Variants in OSBPL9 observed in about 807,000 individuals in gnomAD.
OSBPL9 encodes the protein oxysterol binding protein like 9.
A neutral mutation model predicts 106.6 loss-of-function variants in OSBPL9; 40 were observed. That is an observed-to-expected ratio of 0.38 (90% CI 0.29 to 0.49). OSBPL9 has a LOEUF of 0.49. OSBPL9 is among the 20% of genes least tolerant of loss of function. The pLI is 0.97. For synonymous variants in OSBPL9, 269 were observed against 295.4 expected (o/e 0.91, Z 0.92); for missense variants, 609 against 887.2 (o/e 0.69, Z 3.98).
chr1:51,582,701 T>C (rs1224491335), intron 1 of OSBPL9: 1 of 152,134 alleles, frequency 6.6e-6, no homozygotes, highest in South Asian at 2.1e-4. Context: ...AAGGGTTTAT[T>C]ATGTGTCAGG....
At chr1:51,644,944 G>A (rs1036555986) in intron 1 of OSBPL9, among the ~76,000 whole-genome samples, 1 of 152,160 alleles carries the variant, frequency 6.6e-6, no homozygotes, top group Non-Finnish European at 1.5e-5. Flanking sequence ...GCATTCATGT[G>A]TTGGAAACTT....
chr1:51,686,165 G>A (rs533641606), intron 3 of OSBPL9, among the ~76,000 whole-genome samples: 187 of 152,282 alleles, frequency 1.2e-3, no homozygotes, highest in African/African-American at 4.4e-3. Context: ...GGGGTGCAGA[G>A]GATGCAAATG....
chr1:51,675,487 T>TA (rs1650974495), intron 3 of OSBPL9, among the ~76,000 whole-genome samples: 1 of 152,152 alleles, frequency 6.6e-6, no homozygotes, highest in African/African-American at 2.4e-5. Context: ...ATGGGCTAGA[T>TA]AAAACCTTTG....
chr1:51,668,646 T>C (rs533279563), intron 2 of OSBPL9, among the ~76,000 whole-genome samples: 6 of 152,218 alleles, frequency 3.9e-5, no homozygotes, highest in African/African-American at 1.2e-4. Context: ...AAAATAGTAA[T>C]AAAAAAGTAT....
intron 4 of OSBPL9, among the ~76,000 whole-genome samples, chr1:51,738,201 A>G (rs1271768514): frequency 2.0e-5 from 3 of 152,046 alleles, no homozygotes; most frequent in African/African-American, 2.4e-5. Flanking sequence ...TGGAGTTAGT[A>G]TTTGTGTTTT....
At chr1:51,595,554 A>G (rs1003745792) in intron 1 of OSBPL9, among the ~76,000 whole-genome samples, 45 of 152,152 alleles carry the variant, frequency 3.0e-4, no homozygotes, top group African/African-American at 1.1e-3. Context: ...GGAGGAAGAA[A>G]TGGGGGAGGG....
intron 19 of OSBPL9, 52 bp from the exon 20 acceptor site, chr1:51,784,389 TC>T: frequency 6.2e-7 from 1 of 1,611,264 alleles, no homozygotes; most frequent in Non-Finnish European, 8.5e-7. Flanking sequence ...ACATGCCCCT[TC>T]CCCCTCTTCC....
At chr1:51,645,686 C>T (rs1425170382) in intron 1 of OSBPL9, among the ~76,000 whole-genome samples, 1 of 152,118 alleles carries the variant, frequency 6.6e-6, no homozygotes, top group African/African-American at 2.4e-5. Context: ...CTTTTGGTAT[C>T]ATGTAACCAT....
intron 1 of OSBPL9, among the ~76,000 whole-genome samples, chr1:51,579,792 C>T (rs1346118980): frequency 1.3e-5 from 2 of 151,404 alleles, no homozygotes; most frequent in African/African-American, 4.9e-5. Context: ...GAGGTCAAGG[C>T]TGCAGTGAGC....
At chr1:51,691,440 C>T (rs1012072203) in intron 3 of OSBPL9, among the ~76,000 whole-genome samples, 6 of 151,642 alleles carry the variant, frequency 4.0e-5, no homozygotes, top group African/African-American at 9.7e-5. Context: ...CCACCATGCC[C>T]GGCTAGTTTT....
At chr1:51,607,105 A>G (rs1204348891) in intron 2 of OSBPL9, among the ~76,000 whole-genome samples, 2 of 151,926 alleles carry the variant, frequency 1.3e-5, no homozygotes, top group African/African-American at 2.4e-5. Context: ...AAGAAAAAAC[A>G]TAAAACCAAC....
intron 3 of OSBPL9, among the ~76,000 whole-genome samples, chr1:51,710,323 T>C (rs1013542289): frequency 6.6e-6 from 1 of 152,198 alleles, no homozygotes; most frequent in Admixed American, 6.5e-5. Flanking sequence ...CAGTGAGTAT[T>C]TGTAATTATG....
intron 1 of OSBPL9, among the ~76,000 whole-genome samples, chr1:51,645,229 A>G (rs1201940899): frequency 6.6e-6 from 1 of 152,202 alleles, no homozygotes; most frequent in Non-Finnish European, 1.5e-5. Flanking sequence ...CACTAAGACA[A>G]TCACCTTCCT....
At chr1:51,585,519 T>C (rs1645243271) in intron 1 of OSBPL9, among the ~76,000 whole-genome samples, 1 of 152,170 alleles carries the variant, frequency 6.6e-6, no homozygotes, top group Non-Finnish European at 1.5e-5. Context: ...GGCTCATGCA[T>C]GTAATCTCAG....
chr1:51,716,186 T>C (rs1033132894), intron 4 of OSBPL9, among the ~76,000 whole-genome samples: 4 of 152,278 alleles, frequency 2.6e-5, no homozygotes, highest in Admixed American at 6.5e-5. Context: ...GAGGTTTTTT[T>C]CCTACATTTA....
At chr1:51,620,835 T>A in intron 1 of OSBPL9, among the ~76,000 whole-genome samples, 1 of 152,284 alleles carries the variant, frequency 6.6e-6, no homozygotes. Context: ...AATCTTTTAT[T>A]ATAGAAATTT....
At chr1:51,656,691 T>G (rs1646838764) in intron 2 of OSBPL9, among the ~76,000 whole-genome samples, 1 of 148,070 alleles carries the variant, frequency 6.8e-6, no homozygotes, top group Non-Finnish European at 1.5e-5. Context: ...GACAGGATCT[T>G]GCTCTTTACC....
chr1:51,518,900 A>G, the OSBPL9 span, among the ~76,000 whole-genome samples: 1 of 151,502 alleles, frequency 6.6e-6, no homozygotes, highest in South Asian at 2.1e-4. Flanking sequence ...CGGCACCGGC[A>G]GAGCGCGGCC....
At chr1:51,624,417 G>A (rs1396277650) in intron 1 of OSBPL9, among the ~76,000 whole-genome samples, 5 of 151,632 alleles carry the variant, frequency 3.3e-5, no homozygotes, top group African/African-American at 1.2e-4. Flanking sequence ...GTAAAACCCC[G>A]TCTGTACTAA....
Sources: allele counts gnomAD v4.1 joint callset (sites outside exome capture counted in the v4.1 genomes callset), GRCh38; gene constraint gnomAD v4.1.1; transcripts MANE v1.5; gene names NCBI Gene and HGNC (gene_info 2026-07-23, HGNC 2026-07-21).